Variants in RPS6KA2 observed in about 807,000 individuals in gnomAD.
The protein encoded by RPS6KA2 is ribosomal protein S6 kinase alpha-2.
RPS6KA2 carries 42 observed loss-of-function variants against 91.8 expected under a neutral mutation model. The ratio of observed to expected loss-of-function variants is 0.46; its 90% CI spans 0.36 to 0.59. The LOEUF (loss-of-function observed/expected upper bound fraction) is 0.59, where lower values mean the gene tolerates loss of function less well. Ranked by LOEUF, RPS6KA2 falls within the 20% of genes least tolerant of loss-of-function variation. RPS6KA2 has a pLI of 0.00. For synonymous variants in RPS6KA2, 414 were observed against 393.6 expected (o/e 1.05, Z -0.61); for missense variants, 798 against 978.5 (o/e 0.82, Z 2.46).
chr6:166,562,986 G>A (rs1784387371), intron 1 of RPS6KA2, among the ~76,000 whole-genome samples: 4 of 152,224 alleles, frequency 2.6e-5, no homozygotes, highest in Non-Finnish European at 4.4e-5. Context: ...GAAGGCGGCC[G>A]AGCCAGACCG....
chr6:166,650,350 C>G (rs556094666), intron 2 of RPS6KA2, among the ~76,000 whole-genome samples: 4 of 151,632 alleles, frequency 2.6e-5, no homozygotes, highest in African/African-American at 9.7e-5. Flanking sequence ...ACTGGGGTAG[C>G]AAGAAGAGGG....
At chr6:166,480,514 T>TATATATATATATATATATAA (rs1554279395) in intron 10 of RPS6KA2, among the ~76,000 whole-genome samples, 76 of 110,542 alleles carry the variant, frequency 6.9e-4, no homozygotes, top group African/African-American at 9.7e-4. Context: ...TATATATATA[T>TATATATATATATATATATAA]AATATATTTT....
chr6:166,469,129 G>A lies in RPS6KA2; in HGVS notation c.972+712C>T, dbSNP rs75917710. Reference sequence around the variant, plus strand: ...CGAGAACTCCCTGTGTGGGGGACGCGTCAGACGCTGACTGCTTCACCATTC... The same window carrying A: ...CGAGAACTCCCTGTGTGGGGGACGCATCAGACGCTGACTGCTTCACCATTC... On this transcript the variant is annotated intron_variant, in intron 11 of 20. Transcript: ENST00000265678. 6.4e-3 allele frequency among the ~76,000 whole-genome samples: 980 copies of A among 152,304 alleles called. 7 individuals are homozygous for A. The highest frequency in any genetic ancestry group is 0.022 in the African/African-American group (902 of 41,564).
At chr6:166,610,425 A>T (rs1786129397) in intron 1 of RPS6KA2, among the ~76,000 whole-genome samples, 1 of 152,382 alleles carries the variant, frequency 6.6e-6, no homozygotes, top group African/African-American at 2.4e-5. Context: ...AAAAATCAAG[A>T]ACAAAATTCA....
In RPS6KA2 at chr6:166,432,406, T is replaced by C; in HGVS notation, c.1417A>G (p.Lys473Glu). 6.2e-7 allele frequency: 1 copy of C among 1,607,102 alleles called. No homozygotes were observed. The highest frequency in any genetic ancestry group is 8.5e-7 in the Non-Finnish European group (1 of 1,173,830). ...YGQHPNIITLKDVYDDGKFVY... is the reference protein window; with the variant it reads ...YGQHPNIITLEDVYDDGKFVY... ...GTTGCACGGGGACCACTCACATCCT[T>C]GAGGGTGATGATGTTCGGGTGCTGG... Residue 473 changes from lysine to glutamate, a missense_variant, in exon 15 of 21, where the codon AAG becomes GAG. By Grantham distance (56) the Lys-to-Glu change is moderately conservative (BLOSUM62 1). Transcript: ENST00000265678.
rs1216488545 is a variant in RPS6KA2 at position 166,415,719 on chromosome 6, C to T, written c.1939-1788G>A. On this transcript the variant is annotated intron_variant, in intron 19 of 20. Coordinates refer to ENST00000265678, the MANE Select transcript of RPS6KA2 (RefSeq NM_021135.6). The stretch of plus-strand genomic sequence containing the variant: ...TCTATTTTGGGAACCAGAACTAAGA[C>T]ATCTACACTCATTTAAGACAAAGTG... 2.7e-5 allele frequency among the ~76,000 whole-genome samples: 4 copies of T among 149,382 alleles called. 1 individual carries two copies. Among genetic ancestry groups the T allele is most frequent in the African/African-American group, 9.9e-5 (4 of 40,380 alleles).
intron 10 of RPS6KA2, among the ~76,000 whole-genome samples, chr6:166,480,973 TA>T (rs1699565003): frequency 6.6e-6 from 1 of 152,222 alleles, no homozygotes; most frequent in Non-Finnish European, 1.5e-5. Flanking sequence ...AGTGTTTTTC[TA>T]AACCTTGATG....
chr6:166,701,437 T>C, intron 2 of RPS6KA2: 1 of 1,212,116 alleles, frequency 8.3e-7, no homozygotes, highest in Non-Finnish European at 1.2e-6. Context: ...TCCCTGAGCC[T>C]TGAACCGAGC....
At chr6:166,634,424 C>T (rs367715319) in intron 2 of RPS6KA2, among the ~76,000 whole-genome samples, 1 of 152,176 alleles carries the variant, frequency 6.6e-6, no homozygotes, top group Non-Finnish European at 1.5e-5. Flanking sequence ...CTTCCTCATC[C>T]CTCCATTTTA....
chr6:166,743,831 A>G (rs1252645086), intron 2 of RPS6KA2, among the ~76,000 whole-genome samples: 1 of 150,968 alleles, frequency 6.6e-6, no homozygotes, highest in African/African-American at 2.5e-5. Flanking sequence ...TGGTCAGTGC[A>G]CGGCAGACAG....
intron 2 of RPS6KA2, among the ~76,000 whole-genome samples, chr6:166,638,866 G>A (rs959842440): frequency 2.6e-5 from 4 of 152,182 alleles, no homozygotes; most frequent in Admixed American, 1.3e-4. Context: ...AATGTCAGTA[G>A]TTTCTGTTCC....
chr6:166,420,587 G>C (rs1346126441), intron 17 of RPS6KA2, among the ~76,000 whole-genome samples: 1 of 152,116 alleles, frequency 6.6e-6, no homozygotes, highest in African/African-American at 2.4e-5. Context: ...CTGCAGGCTG[G>C]ACAATGTTCC....
At chr6:166,515,426 C>G (rs1185676470) in intron 3 of RPS6KA2, among the ~76,000 whole-genome samples, 1 of 152,202 alleles carries the variant, frequency 6.6e-6, no homozygotes, top group Non-Finnish European at 1.5e-5. Context: ...GATATACTTT[C>G]TTATTAAAAC....
rs150053346 is a variant in RPS6KA2 at position 166,825,660 on chromosome 6, C to A, written c.123+32540G>T. Reference sequence around the variant, plus strand: ...TCAGTGTTGGATGAGAACCCACTTCCTAGTACATAGACAGCAACTTCTCCC... The same window carrying A: ...TCAGTGTTGGATGAGAACCCACTTCATAGTACATAGACAGCAACTTCTCCC... On this transcript the variant is annotated intron_variant, in intron 2 of 21. Transcript: ENST00000503859. This position sits in a 1 kb window ranked among gnomAD's most constrained non-coding sequence, Gnocchi z 4.1. Among the ~76,000 whole-genome samples the A allele has an allele frequency of 5.8e-3, 879 of 152,268 alleles. 8 individuals are homozygous for A. Among genetic ancestry groups the A allele is most frequent in the African/African-American group, 0.02 (813 of 41,548 alleles).
At chr6:166,497,272 C>T (rs1339218799) in intron 8 of RPS6KA2, among the ~76,000 whole-genome samples, 2 of 152,354 alleles carry the variant, frequency 1.3e-5, no homozygotes, top group Middle Eastern at 3.4e-3. Flanking sequence ...GGGCCCCTTG[C>T]TTTGCTGCAG....
chr6:166,451,331 C>CAGTGTGTG, intron 12 of RPS6KA2, 98 bp from the exon 13 acceptor site: 2 of 1,153,428 alleles, frequency 1.7e-6, no homozygotes, highest in Non-Finnish European at 1.2e-6. Context: ...GTGTGCAAGT[C>CAGTGTGTG]CGTGTGTGTG....
intron 2 of RPS6KA2, among the ~76,000 whole-genome samples, chr6:166,830,040 C>A (rs937564305): frequency 2.7e-5 from 4 of 150,330 alleles, no homozygotes; most frequent in Non-Finnish European, 5.9e-5. Flanking sequence ...GGAGGAGAAT[C>A]GCTTGAACCT....
chr6:166,696,307 T>C (rs541721916), intron 2 of RPS6KA2, among the ~76,000 whole-genome samples: 21 of 152,260 alleles, frequency 1.4e-4, no homozygotes, highest in African/African-American at 4.8e-4. Context: ...AAATGAGAGA[T>C]GGGAGATGCT....
intron 2 of RPS6KA2, among the ~76,000 whole-genome samples, chr6:166,762,137 T>C (rs944846327): frequency 3.9e-5 from 6 of 152,090 alleles, no homozygotes; most frequent in African/African-American, 1.2e-4. Context: ...AAACCTTAGG[T>C]ACTGGTTTCA....
Sources: gnomAD v4.1 joint callset for allele counts (sites outside exome capture counted in the v4.1 genomes callset) on GRCh38, gnomAD v4.1.1 for gene constraint, Gnocchi (gnomAD v3.1) non-coding constraint, MANE v1.5 for transcripts, NCBI Gene and HGNC (gene_info 2026-07-23, HGNC 2026-07-21) for gene names.